The following CDH13 variants were observed in gnomAD, a reference collection of about 807,000 sequenced individuals.
The protein encoded by CDH13 is cadherin-13.
A neutral mutation model predicts 63.8 loss-of-function variants in CDH13; 24 were observed. The observed-to-expected ratio is 0.38, with a 90% CI of 0.27 to 0.53. The LOEUF is 0.53. CDH13 is among the 20% of genes least tolerant of loss of function. The pLI, the probability that CDH13 is intolerant of heterozygous loss-of-function variation, is 0.85. For missense variants in CDH13, 1,049 were observed against 903.1 expected, an observed-to-expected ratio of 1.16 and a Z score of -2.07; for synonymous variants, 503 against 355.3, an observed-to-expected ratio of 1.42 and a Z score of -4.67.
intron 2 of CDH13, among the ~76,000 whole-genome samples, chr16:82,877,795 C>G (rs2040554008): frequency 1.3e-5 from 1 of 77,898 alleles, no homozygotes; most frequent in South Asian, 4.7e-4. Flanking sequence ...CACCTCTATT[C>G]ATTTTTTTTT....
At chr16:83,228,835 G>C (rs1344212110) in intron 5 of CDH13, among the ~76,000 whole-genome samples, 2 of 152,156 alleles carry the variant, frequency 1.3e-5, no homozygotes, top group African/African-American at 4.8e-5. Context: ...AAAGTGACAT[G>C]ATCAGATTTG....
chr16:83,281,075 G>A (rs752070541), intron 5 of CDH13, among the ~76,000 whole-genome samples: 2 of 152,104 alleles, frequency 1.3e-5, no homozygotes, highest in African/African-American at 2.4e-5. Flanking sequence ...TTGAAGCCAG[G>A]CATTGACTTA....
intron 3 of CDH13, among the ~76,000 whole-genome samples, chr16:83,071,699 TAGG>T (rs2032450333): frequency 6.6e-6 from 1 of 152,190 alleles, no homozygotes; most frequent in Non-Finnish European, 1.5e-5. Context: ...AGTAAGTTGA[TAGG>T]AGAAGACTAT....
At chr16:82,907,381 C>A (rs1196862231) in intron 2 of CDH13, among the ~76,000 whole-genome samples, 1 of 152,098 alleles carries the variant, frequency 6.6e-6, no homozygotes, top group East Asian at 1.9e-4. Flanking sequence ...TAATCATAAT[C>A]CCTTTACTGT....
intron 6 of CDH13, among the ~76,000 whole-genome samples, chr16:83,390,260 T>A (rs1207403578): frequency 1.3e-5 from 2 of 152,128 alleles, no homozygotes; most frequent in African/African-American, 2.4e-5. Flanking sequence ...GTACCAGTGC[T>A]CAGAGCAGTA....
intron 5 of CDH13, among the ~76,000 whole-genome samples, chr16:83,255,518 A>G (rs974644255): frequency 3.9e-5 from 6 of 152,162 alleles, no homozygotes; most frequent in African/African-American, 1.4e-4. Context: ...CCAGTAAAGA[A>G]TGGGCTACGT....
At chr16:83,170,450 T>C (rs2037869202) in intron 4 of CDH13, among the ~76,000 whole-genome samples, 1 of 152,064 alleles carries the variant, frequency 6.6e-6, no homozygotes, top group Non-Finnish European at 1.5e-5. Flanking sequence ...CTTCCAGTTT[T>C]CCAGTCAAAG....
At chr16:83,145,060 C>T (rs1206007808) in intron 4 of CDH13, among the ~76,000 whole-genome samples, 12 of 151,990 alleles carry the variant, frequency 7.9e-5, no homozygotes, top group Non-Finnish European at 1.5e-4. Context: ...GACACAAGTA[C>T]GGGGACATTA....
At chr16:82,862,216 G>C (rs2039972463) in intron 2 of CDH13, among the ~76,000 whole-genome samples, 1 of 152,096 alleles carries the variant, frequency 6.6e-6, no homozygotes, top group Admixed American at 6.6e-5. Context: ...ACCAGAATTG[G>C]ACAGCAACCC....
chr16:83,196,479 G>A (rs1469911805), intron 4 of CDH13, among the ~76,000 whole-genome samples: 1 of 152,062 alleles, frequency 6.6e-6, no homozygotes, highest in Non-Finnish European at 1.5e-5. Flanking sequence ...GAAAAATCCT[G>A]TTAAGAGAAT....
At chr16:82,854,622 A>G (rs1047077897) in intron 1 of CDH13, among the ~76,000 whole-genome samples, 8 of 152,170 alleles carry the variant, frequency 5.3e-5, no homozygotes, top group Non-Finnish European at 1.2e-4. Context: ...GGTTTAAAAG[A>G]TGAGTCTGCA....
chr16:83,774,909 C>T (rs925140436), intron 11 of CDH13, among the ~76,000 whole-genome samples: 2 of 149,366 alleles, frequency 1.3e-5, no homozygotes, highest in Non-Finnish European at 2.9e-5. Context: ...CTGAACTGTA[C>T]ACTTCAAAGT....
intron 3 of CDH13, among the ~76,000 whole-genome samples, chr16:83,123,054 T>A (rs1029126246): frequency 6.6e-6 from 1 of 152,122 alleles, no homozygotes; most frequent in Non-Finnish European, 1.5e-5. Context: ...TTATTTCCTT[T>A]GGATCATGTC....
chr16:83,150,651 C>T (rs11865939), intron 4 of CDH13, among the ~76,000 whole-genome samples: 2,290 of 152,312 alleles, frequency 0.015, 68 homozygotes, highest in African/African-American at 0.052. Flanking sequence ...TTTTTTATCT[C>T]ACTTACTATA....
At chr16:83,531,509 C>T (rs2075082838) in intron 7 of CDH13, among the ~76,000 whole-genome samples, 1 of 152,190 alleles carries the variant, frequency 6.6e-6, no homozygotes, top group South Asian at 2.1e-4. Flanking sequence ...TGCACAAGCC[C>T]TCTTCTCTTC....
At chr16:83,251,575 T>C (rs570420217) in intron 5 of CDH13, among the ~76,000 whole-genome samples, 10 of 152,332 alleles carry the variant, frequency 6.6e-5, no homozygotes, top group African/African-American at 2.4e-4. Flanking sequence ...GGTGACTGAA[T>C]CCTGAATGTC....
At chr16:82,945,208 A>C (rs1253240115) in intron 2 of CDH13, among the ~76,000 whole-genome samples, 1 of 152,256 alleles carries the variant, frequency 6.6e-6, no homozygotes, top group African/African-American at 2.4e-5. Context: ...TTTGTGGGCC[A>C]TGAAGTTTCT....
chr16:83,079,974 T>C (rs1463373677), intron 3 of CDH13, among the ~76,000 whole-genome samples: 2 of 152,196 alleles, frequency 1.3e-5, no homozygotes, highest in African/African-American at 4.8e-5. Context: ...CTAGAATGCT[T>C]TTTAAAAGTA....
chr16:83,066,257 C>T (rs144157493), intron 3 of CDH13, among the ~76,000 whole-genome samples: 1 of 152,170 alleles, frequency 6.6e-6, no homozygotes, highest in Non-Finnish European at 1.5e-5. Context: ...ATCAGTTTCT[C>T]AATTTGCATG....
Sources: allele counts gnomAD v4.1 joint callset (sites outside exome capture counted in the v4.1 genomes callset), GRCh38; gene constraint gnomAD v4.1.1; transcripts MANE v1.5; gene names NCBI Gene and HGNC (gene_info 2026-07-23, HGNC 2026-07-21).